The following FAM204A variants were observed in gnomAD, a reference collection of about 807,000 sequenced individuals.
The protein encoded by FAM204A is family with sequence similarity 204 member A.
Under a neutral mutation model 35.4 loss-of-function variants are expected in FAM204A, and 16 were observed. That is an observed-to-expected ratio of 0.45 (90% confidence interval 0.31 to 0.69). FAM204A has a LOEUF of 0.69. Ranked by LOEUF, FAM204A falls within the 30% of genes least tolerant of loss-of-function variation. FAM204A has a pLI of 0.07. For missense variants in FAM204A, 240 were observed against 265.7 expected, an observed-to-expected ratio of 0.90 and a Z score of 0.67; for synonymous variants, 76 against 86.9, an observed-to-expected ratio of 0.88 and a Z score of 0.70.
chr10:118,311,221 C>G lies in FAM204A; in HGVS notation c.636G>C (p.Lys212Asn). 1 of 1,609,658 alleles carries G rather than the reference C, an allele frequency of 6.2e-7. No individual in the cohort carries two copies. The highest frequency in any genetic ancestry group is 8.5e-7 in the Non-Finnish European group (1 of 1,179,220). The part of the protein sequence containing the change: ...VENSQAARKK[K>N]KLAWGFEAKK... ...AGTAAACTCACCCCCATGCAAGTTTCTTCTTTTTTCGGGCAGCCTGTGAAT... is the reference window on the plus strand; with the variant it reads ...AGTAAACTCACCCCCATGCAAGTTTGTTCTTTTTTCGGGCAGCCTGTGAAT... The change falls in exon 8 of 9, where the codon AAG (lysine) becomes AAC (asparagine). Residue 212 changes from lysine (K) to asparagine (N), a missense_variant. Lys to Asn is a moderately conservative substitution (Grantham distance 94). This residue lies in a region of FAM204A where 232 missense variants were observed against 242.8 expected (regional missense o/e 0.96). Coordinates refer to ENST00000369183, the MANE Select transcript of FAM204A (RefSeq NM_022063.3).
intron 2 of FAM204A, among the ~76,000 whole-genome samples, chr10:118,338,237 G>T (rs1172975497): frequency 3.3e-5 from 5 of 152,264 alleles, no homozygotes; most frequent in East Asian, 1.9e-4. Flanking sequence ...CCTGTCTGTG[G>T]ATTTTTAAAG....
intron 8 of FAM204A, 146 bp from the exon 9 acceptor site, chr10:118,311,054 G>A (rs780029400): frequency 1.1e-5 from 12 of 1,048,764 alleles, no homozygotes. Context: ...ACAGGATGAA[G>A]AAATGCCTCT....
chr10:118,311,397 C>T (rs1845950210), intron 7 of FAM204A, 84 bp from the exon 8 acceptor site: 1 of 1,087,764 alleles, frequency 9.2e-7, no homozygotes, highest in Non-Finnish European at 1.3e-6. Context: ...TAATTGAGAA[C>T]TTGTGGGTAA....
intron 7 of FAM204A, among the ~76,000 whole-genome samples, chr10:118,312,881 G>A (rs1029894663): frequency 6.6e-6 from 1 of 152,204 alleles, no homozygotes; most frequent in African/African-American, 2.4e-5. Flanking sequence ...AGTGAAACGG[G>A]TTGTTTTCAA....
intron 7 of FAM204A, among the ~76,000 whole-genome samples, chr10:118,317,480 G>A (rs1377478635): frequency 1.3e-5 from 2 of 151,752 alleles, no homozygotes; most frequent in Non-Finnish European, 2.9e-5. Flanking sequence ...ACCATTTGAG[G>A]TGATCACCCA....
chr10:118,311,505 A>G, intron 7 of FAM204A, 192 bp from the exon 8 acceptor site: 1 of 513,472 alleles, frequency 1.9e-6, no homozygotes, highest in Non-Finnish European at 3.4e-6. Flanking sequence ...CTCCCAATAG[A>G]CCCTTTACCC....
chr10:118,326,367 C>T, intron 6 of FAM204A, 124 bp from the exon 7 acceptor site: 1 of 797,094 alleles, frequency 1.3e-6, no homozygotes, highest in Non-Finnish European at 2.0e-6. Flanking sequence ...CACAATAACA[C>T]CAGAAGGTAG....
At position 118,305,311 on chromosome 10, in the gene FAM204A, G is replaced by A. The variant is rs560194463; in HGVS notation, c.*5546C>T. 5.3e-5 allele frequency: 8 copies of A among 152,326 alleles called. No homozygotes were observed. The East Asian group carries it at 1.5e-3, about 29-fold the overall frequency. 9.4% of individuals were successfully genotyped at this position (152,326 alleles called of 1,614,324 possible). On this transcript the variant is annotated 3_prime_UTR_variant, in exon 9 of 9. Coordinates refer to ENST00000369183, the MANE Select transcript of FAM204A (RefSeq NM_022063.3). The stretch of plus-strand genomic sequence containing the variant: ...TACCCTAACATGGGAAGGTACTGTG[G>A]CCCACCCAAGCTAAAATAAAGGACA...
intron 7 of FAM204A, among the ~76,000 whole-genome samples, chr10:118,311,728 C>T (rs924023770): frequency 6.6e-6 from 1 of 152,228 alleles, no homozygotes; most frequent in African/African-American, 2.4e-5. Context: ...CACCAGTTAT[C>T]TCATGCTGAT....
chr10:118,305,862 T>C lies in FAM204A; in HGVS notation c.*4995A>G, dbSNP rs1025823139. On this transcript the variant is annotated 3_prime_UTR_variant, in exon 9 of 9. Coordinates refer to ENST00000369183, the MANE Select transcript of FAM204A (RefSeq NM_022063.3). Reference sequence around the variant, plus strand: ...ATTGTTTCACTATTCCTTGTGACATTCATAATTACTTCTAGTATCACCCAT... The same window carrying C: ...ATTGTTTCACTATTCCTTGTGACATCCATAATTACTTCTAGTATCACCCAT... 2 of 152,228 alleles carry C rather than the reference T, an allele frequency of 1.3e-5. No individual in the cohort carries two copies. Among genetic ancestry groups the C allele is most frequent in the Admixed American group, 1.3e-4 (2 of 15,280 alleles). 9.4% of individuals were successfully genotyped at this position (152,228 alleles called of 1,614,324 possible). A position where few individuals can be genotyped will look rare whatever the true frequency, so the allele number is the denominator to read the frequency against.
Position 118,340,873 on chromosome 10 carries a change from G to A in FAM204A, c.-9+854C>T, listed in dbSNP as rs1846467073. On this transcript the variant is annotated intron_variant, in intron 2 of 8. Transcript: ENST00000369183. ...AGATGGGATAACTGACTTGCCTAAT[G>A]CATTCTGATCCATTTGTTTTACAAA... is the stretch of plus-strand genomic sequence containing the variant. 3.5e-5 allele frequency among the ~76,000 whole-genome samples: 5 copies of A among 141,534 alleles called. No homozygotes were observed. The South Asian group carries it at 1.3e-3, about 36-fold the overall frequency. The allele number at this position is 141,534 out of a possible 152,430, so 92.9% of individuals were successfully genotyped here. A position where few individuals can be genotyped will look rare whatever the true frequency, so the allele number is the denominator to read the frequency against.
At chr10:118,333,948 T>C (rs1846331620) in intron 6 of FAM204A, among the ~76,000 whole-genome samples, 1 of 152,122 alleles carries the variant, frequency 6.6e-6, no homozygotes, top group African/African-American at 2.4e-5. Flanking sequence ...ACAGCAATGA[T>C]CCATGAAAGA....
chr10:118,325,577 C>T (rs1240722677), intron 7 of FAM204A, among the ~76,000 whole-genome samples: 1 of 152,110 alleles, frequency 6.6e-6, no homozygotes, highest in Non-Finnish European at 1.5e-5. Context: ...CATTAATTCT[C>T]AACTGGGGGA....
At chr10:118,334,147 A>C (rs1305345447) in intron 6 of FAM204A, among the ~76,000 whole-genome samples, 2 of 152,188 alleles carry the variant, frequency 1.3e-5, no homozygotes, top group African/African-American at 2.4e-5. Context: ...ACAAATGTGC[A>C]TCTCAAGGTC....
chr10:118,323,261 C>CTA (rs1424195971), intron 7 of FAM204A, among the ~76,000 whole-genome samples: 12 of 152,114 alleles, frequency 7.9e-5, no homozygotes, highest in African/African-American at 2.9e-4. Flanking sequence ...CAGCCATACT[C>CTA]TATGTCCCTG....
chr10:118,305,424 C>T lies in FAM204A; in HGVS notation c.*5433G>A, dbSNP rs1244699770. Reference sequence around the variant, plus strand: ...TTGCATTCATTCCTGAGTCAAACCCCACCAATGCTCCTCATCTCCAGGGGA... The same window carrying T: ...TTGCATTCATTCCTGAGTCAAACCCTACCAATGCTCCTCATCTCCAGGGGA... On this transcript the variant is annotated 3_prime_UTR_variant, in exon 9 of 9. Transcript: ENST00000369183. The T allele has an allele frequency of 6.6e-6, 1 of 152,190 alleles. No homozygotes were observed. Among genetic ancestry groups the T allele is most frequent in the African/African-American group, 2.4e-5 (1 of 41,432 alleles). 9.4% of individuals were successfully genotyped at this position (152,190 alleles called of 1,614,324 possible). A position where few individuals can be genotyped will look rare whatever the true frequency, so the allele number is the denominator to read the frequency against.
rs546335874 is a variant in FAM204A at position 118,305,272 on chromosome 10, G to A, written c.*5585C>T. 1 of 152,326 alleles carries A rather than the reference G, an allele frequency of 6.6e-6. No homozygotes were observed. The highest frequency in any genetic ancestry group is 1.9e-4 in the East Asian group (1 of 5,182). 9.4% of individuals were successfully genotyped at this position (152,326 alleles called of 1,614,324 possible). On this transcript the variant is annotated 3_prime_UTR_variant, in exon 9 of 9. Transcript: ENST00000369183. Reference sequence around the variant, plus strand: ...TTATATTTTGGGGGGCATATTTGTAGTAGTAGGAAGCATTACCCTAACATG... The same window carrying A: ...TTATATTTTGGGGGGCATATTTGTAATAGTAGGAAGCATTACCCTAACATG...
At position 118,320,557 on chromosome 10, in the gene FAM204A, T is replaced by TAC. The variant is rs375393782; in HGVS notation, c.543+5595_543+5596dup. Among the ~76,000 whole-genome samples, 88 of 150,902 alleles carry TAC rather than the reference T, an allele frequency of 5.8e-4. No homozygotes were observed. The East Asian group carries it at 0.011, about 18-fold the overall frequency. On this transcript the variant is annotated intron_variant, in intron 7 of 8. Coordinates refer to ENST00000369183, the MANE Select transcript of FAM204A (RefSeq NM_022063.3). ...TACTTGAATGTGTATTTTATACACA[T>TAC]ACACACACACACACATATTTCAAAT... is the stretch of plus-strand genomic sequence containing the variant.
intron 7 of FAM204A, among the ~76,000 whole-genome samples, chr10:118,318,017 A>C (rs1846057647): frequency 6.6e-6 from 1 of 152,002 alleles, no homozygotes; most frequent in African/African-American, 2.4e-5. Flanking sequence ...ACACAAGCCT[A>C]TTTGGTGAAA....
Sources: gnomAD v4.1 joint callset for allele counts (sites outside exome capture counted in the v4.1 genomes callset) on GRCh38, gnomAD v4.1.1 for gene constraint, gnomAD v4.1.1 regional missense constraint, MANE v1.5 for transcripts, NCBI Gene and HGNC (gene_info 2026-07-23, HGNC 2026-07-21) for gene names.